Variants in NCOR2 observed in about 807,000 individuals in gnomAD.
The protein encoded by NCOR2 is nuclear receptor corepressor 2, also known as CTG repeat protein 26.
A neutral mutation model predicts 262.9 loss-of-function variants in NCOR2; 81 were observed. The ratio of observed to expected loss-of-function variants is 0.31; its 90% CI spans 0.26 to 0.37. The LOEUF (loss-of-function observed/expected upper bound fraction) is 0.37, where lower values mean the gene tolerates loss of function less well. Among genes scored for constraint, NCOR2 ranks in the 10% least tolerant of loss-of-function variants. The pLI, the probability that NCOR2 is intolerant of heterozygous loss-of-function variation, is 1.00. For synonymous variants in NCOR2, 1,659 were observed against 1,559.3 expected (o/e 1.06, Z -1.51); for missense variants, 3,385 against 3,621.4 (o/e 0.93, Z 1.68).
upstream of NCOR2, chr12:124,495,444 G>A (rs555106066): frequency 1.3e-4 from 154 of 1,170,468 alleles, no homozygotes; most frequent in African/African-American, 8.2e-4. The surrounding 1 kb of genome is among the most constrained non-coding windows in gnomAD (Gnocchi z 4.4). Context: ...TCCCCGAGTC[G>A]TTCCTGTGGT....
intron 7 of NCOR2, among the ~76,000 whole-genome samples, chr12:124,444,582 A>C (rs1228735663): frequency 6.6e-6 from 1 of 152,146 alleles, no homozygotes; most frequent in Non-Finnish European, 1.5e-5. Context: ...TGGGAAGAAG[A>C]AAATGAGCAG....
intron 7 of NCOR2, 108 bp downstream of exon 9, chr12:124,449,707 C>A: frequency 7.4e-7 from 1 of 1,351,902 alleles, no homozygotes. Flanking sequence ...TGGCCGGGAG[C>A]CCCTGATGGG....
intron 1 of NCOR2, among the ~76,000 whole-genome samples, chr12:124,557,815 G>A (rs1414511571): frequency 6.6e-6 from 1 of 152,140 alleles, no homozygotes; most frequent in African/African-American, 2.4e-5. Context: ...GCATCACCCA[G>A]GAGCCACCGC....
At chr12:124,404,780 T>C (rs537290655) in intron 13 of NCOR2, among the ~76,000 whole-genome samples, 1 of 152,174 alleles carries the variant, frequency 6.6e-6, no homozygotes. Flanking sequence ...CTGTCCATTT[T>C]CTATGGGCCG....
At chr12:124,539,045 G>C (rs1478886774), upstream of NCOR2, 1 of 151,732 alleles carries the variant, frequency 6.6e-6, no homozygotes. The surrounding 1 kb of genome is among the most constrained non-coding windows in gnomAD (Gnocchi z 5.1). Context: ...GGCTGGCAGC[G>C]TGGAGTCGAG....
At chr12:124,501,044 G>T (rs1411819436) in intron 1 of NCOR2, among the ~76,000 whole-genome samples, 1 of 34,740 alleles carries the variant, frequency 2.9e-5, no homozygotes, top group Non-Finnish European at 8.9e-5. Context: ...CCCACGGCAC[G>T]AGCGCGCGCG....
intron 7 of NCOR2, among the ~76,000 whole-genome samples, chr12:124,444,677 C>T (rs2045033420): frequency 6.6e-6 from 1 of 152,044 alleles, no homozygotes; most frequent in Non-Finnish European, 1.5e-5. Flanking sequence ...ACCCCGGCTG[C>T]AGGGGAGAGG....
At chr12:124,418,406 C>A (rs1217031853) in intron 13 of NCOR2, among the ~76,000 whole-genome samples, 1 of 152,146 alleles carries the variant, frequency 6.6e-6, no homozygotes, top group African/African-American at 2.4e-5. Context: ...ACTGGGACCC[C>A]GCCCCCAACC....
intron 1 of NCOR2, among the ~76,000 whole-genome samples, chr12:124,525,689 C>A (rs1429623498): frequency 6.6e-6 from 1 of 152,226 alleles, no homozygotes; most frequent in Non-Finnish European, 1.5e-5. Context: ...TCCAGGCTGG[C>A]TGCGGCAGTG....
chr12:124,506,672 C>G (rs759720481), intron 1 of NCOR2, among the ~76,000 whole-genome samples: 31 of 152,102 alleles, frequency 2.0e-4, no homozygotes, highest in Admixed American at 6.5e-5. Flanking sequence ...AAGTTCCGGG[C>G]GCCCCAGGAG....
chr12:124,397,632 T>G (rs1408143008), intron 16 of NCOR2, among the ~76,000 whole-genome samples: 1 of 151,284 alleles, frequency 6.6e-6, no homozygotes, highest in African/African-American at 2.4e-5. Flanking sequence ...CTGAGACAGG[T>G]TTCCAAAGCC....
In NCOR2 at chr12:124,433,876, AC is replaced by A. The variant is rs1277755286; in HGVS notation, c.883-3090del. On this transcript the variant is annotated intron_variant, in intron 8 of 46. Transcript: ENST00000405201. ...CACACACACACACACACACACACAC[AC>A]ACACACACACACACACACACACGCA... 6.9e-5 allele frequency among the ~76,000 whole-genome samples: 7 copies of A among 101,682 alleles called. 1 individual carries two copies. Among genetic ancestry groups the A allele is most frequent in the African/African-American group, 2.3e-4 (5 of 21,884 alleles). 66.7% of individuals were successfully genotyped at this position (101,682 alleles called of 152,430 possible).
chr12:124,502,937 G>A (rs2136961701), intron 1 of NCOR2, among the ~76,000 whole-genome samples: 1 of 152,334 alleles, frequency 6.6e-6, no homozygotes, highest in Middle Eastern at 3.4e-3. Context: ...CAGGCCTGCA[G>A]GAATGAGGCC....
Position 124,327,645 on chromosome 12 carries a change from A to AGG in NCOR2, c.6959-13_6959-12insCC, listed in dbSNP as rs747844429. The AGG allele has an allele frequency of 2.0e-6, 3 of 1,532,436 alleles. No homozygotes were observed. In the South Asian group the frequency reaches 3.4e-5, roughly 17 times the overall value. 94.9% of individuals were successfully genotyped at this position (1,532,436 alleles called of 1,614,324 possible). Reference sequence around the variant, plus strand: ...ATAGGTCATAAGGCCTGGGAGAGAGAGACAGACAGACAGACAGACACATGG... The same window carrying AGG: ...ATAGGTCATAAGGCCTGGGAGAGAGAGGGACAGACAGACAGACAGACACATGG... On this transcript the variant is annotated splice_polypyrimidine_tract_variant and intron_variant, in intron 44 of 46. Transcript: ENST00000405201.
intron 10 of NCOR2, 23 bp from the exon 13 acceptor site, chr12:124,426,823 G>A (rs772580125): frequency 4.5e-6 from 7 of 1,552,928 alleles, no homozygotes; most frequent in Non-Finnish European, 6.1e-6. Context: ...GGAGGGCAGG[G>A]TCAGAGGCCC....
At chr12:124,337,242 C>T (rs1455862701) in intron 37 of NCOR2, 62 bp from the exon 40 acceptor site, 8 of 1,509,934 alleles carry the variant, frequency 5.3e-6, no homozygotes, top group Admixed American at 3.9e-5. Flanking sequence ...CCACCACCCT[C>T]GATGAGTCCC....
chr12:124,335,257 C>T (rs2035779027), exon 40 of NCOR2: 1 of 1,605,044 alleles, frequency 6.2e-7, no homozygotes, highest in Non-Finnish European at 8.5e-7. Context: ...AGGTGGGCGG[C>T]CTCCCCGCCA....
chr12:124,385,387 C>G (rs906300), intron 17 of NCOR2, among the ~76,000 whole-genome samples: 32,975 of 152,122 alleles, frequency 0.22, 4,346 homozygotes, highest in East Asian at 0.56. Flanking sequence ...TTCCAACGCG[C>G]TGACAGCCCG....
chr12:124,482,071 G>A lies in NCOR2; in HGVS notation c.411+1525C>T, dbSNP rs1196553189. 6.6e-6 allele frequency among the ~76,000 whole-genome samples: 1 copy of A among 152,138 alleles called. No homozygotes were observed. The highest frequency in any genetic ancestry group is 1.5e-5 in the Non-Finnish European group (1 of 68,006). Reference sequence around the variant, plus strand: ...GGGTGGAGTCCCTGAGTGCCAACAAGAACACAGCTGCATCCGCCGGGGGAG... The same window carrying A: ...GGGTGGAGTCCCTGAGTGCCAACAAAAACACAGCTGCATCCGCCGGGGGAG... On this transcript the variant is annotated intron_variant, in intron 3 of 46. Transcript: ENST00000405201. This position sits in a 1 kb window ranked among gnomAD's most constrained non-coding sequence, Gnocchi z 6.3.
Sources: allele counts gnomAD v4.1 joint callset (sites outside exome capture counted in the v4.1 genomes callset), GRCh38; gene constraint gnomAD v4.1.1; non-coding constraint Gnocchi (gnomAD v3.1); transcripts MANE v1.5; gene names NCBI Gene and HGNC (gene_info 2026-07-23, HGNC 2026-07-21).